The following CSMD1 variants were observed in gnomAD, a reference collection of about 807,000 sequenced individuals.
CSMD1 encodes CUB and Sushi multiple domains 1, also known as CUB and sushi domain-containing protein 1.
CSMD1 carries 213 observed loss-of-function variants against 417.5 expected under a neutral mutation model. The observed-to-expected ratio is 0.51, with a 90% CI of 0.46 to 0.57. The LOEUF (loss-of-function observed/expected upper bound fraction) is 0.57, where lower values mean the gene tolerates loss of function less well. CSMD1 is among the 20% of genes least tolerant of loss of function. CSMD1 has a pLI of 0.00. For synonymous variants in CSMD1, 2,862 were observed against 1,736.8 expected, an observed-to-expected ratio of 1.65 and a Z score of -16.11; for missense variants, 6,923 against 4,529.7, an observed-to-expected ratio of 1.53 and a Z score of -15.17.
intron 5 of CSMD1, among the ~76,000 whole-genome samples, chr8:3,789,440 GTGTTT>G (rs1799613568): frequency 1.7e-5 from 1 of 60,518 alleles, no homozygotes; most frequent in African/African-American, 6.8e-5. Context: ...TTTTTTTTAA[GTGTTT>G]TTTTTTTTTT....
At chr8:4,044,375 C>G (rs534958298) in intron 3 of CSMD1, among the ~76,000 whole-genome samples, 2 of 152,146 alleles carry the variant, frequency 1.3e-5, no homozygotes, top group Non-Finnish European at 2.9e-5. Flanking sequence ...AGAACCTTGT[C>G]TTAATAAGCT....
chr8:4,063,293 A>T (rs1221512834), intron 3 of CSMD1, among the ~76,000 whole-genome samples: 3 of 152,250 alleles, frequency 2.0e-5, no homozygotes. Context: ...ACCAAAAAAG[A>T]AAAATTAGTT....
chr8:4,037,594 G>A (rs1333116219), intron 3 of CSMD1, among the ~76,000 whole-genome samples: 2 of 129,412 alleles, frequency 1.5e-5, no homozygotes, highest in Admixed American at 8.1e-5. Context: ...GGATTGCAAT[G>A]GAAAGGAGAA....
At chr8:3,200,830 T>C (rs1306692231) in intron 32 of CSMD1, among the ~76,000 whole-genome samples, 1 of 152,138 alleles carries the variant, frequency 6.6e-6, no homozygotes, top group East Asian at 1.9e-4. Context: ...GGAAATATAA[T>C]CAAATCTGAA....
chr8:3,026,355 G>T (rs1809920202), intron 51 of CSMD1, among the ~76,000 whole-genome samples: 2 of 151,926 alleles, frequency 1.3e-5, no homozygotes, highest in African/African-American at 2.4e-5. Flanking sequence ...TCCCACTGGA[G>T]CCCACTGGGC....
chr8:3,421,914 A>T (rs1043522146), intron 12 of CSMD1, among the ~76,000 whole-genome samples: 4 of 145,714 alleles, frequency 2.7e-5, no homozygotes, highest in African/African-American at 1.1e-4. Flanking sequence ...CTGGGATTAC[A>T]GGCGTGAGCC....
At chr8:3,454,517 G>C (rs879812044) in intron 12 of CSMD1, among the ~76,000 whole-genome samples, 1 of 152,130 alleles carries the variant, frequency 6.6e-6, no homozygotes, top group Admixed American at 6.6e-5. Flanking sequence ...GGTGGTGACA[G>C]AATCTCTCAG....
At chr8:3,875,896 G>C (rs6997842) in intron 5 of CSMD1, among the ~76,000 whole-genome samples, 7,596 of 152,216 alleles carry the variant, frequency 0.05, 518 homozygotes, top group African/African-American at 0.15. Context: ...GAAATCACAA[G>C]CAAATTTCCA....
intron 50 of CSMD1, among the ~76,000 whole-genome samples, chr8:3,040,570 C>T (rs1420953550): frequency 7.3e-5 from 11 of 151,518 alleles, no homozygotes; most frequent in Non-Finnish European, 1.0e-4. Context: ...TTTGGGAGGA[C>T]GAGGCAGGTG....
intron 3 of CSMD1, among the ~76,000 whole-genome samples, chr8:4,402,800 C>CTTTTTTTTTTTTT (rs60965667): frequency 1.1e-4 from 10 of 89,366 alleles, no homozygotes; most frequent in Non-Finnish European, 1.6e-4. Context: ...TCACTTTTTT[C>CTTTTTTTTTTTTT]TTTTTTTTTT....
intron 2 of CSMD1, among the ~76,000 whole-genome samples, chr8:4,604,395 G>GTGTGTGTGTGTGTC (rs1800758168): frequency 1.2e-5 from 1 of 86,374 alleles, no homozygotes; most frequent in African/African-American, 2.9e-5. Context: ...GTGTGTGTGT[G>GTGTGTGTGTGTGTC]TGTGTGTGTG....
intron 1 of CSMD1, among the ~76,000 whole-genome samples, chr8:4,868,743 T>G (rs1802562326): frequency 6.6e-6 from 1 of 150,970 alleles, no homozygotes; most frequent in Admixed American, 6.6e-5. Context: ...GATTTGACAC[T>G]GGTGACTGTC....
At chr8:3,077,281 C>A (rs949267238) in intron 49 of CSMD1, among the ~76,000 whole-genome samples, 1 of 152,148 alleles carries the variant, frequency 6.6e-6, no homozygotes, top group African/African-American at 2.4e-5. Flanking sequence ...AAGACATGGA[C>A]AAAAGGCCAC....
At chr8:4,399,039 G>A (rs1804462789) in intron 3 of CSMD1, among the ~76,000 whole-genome samples, 2 of 152,154 alleles carry the variant, frequency 1.3e-5, no homozygotes, top group Admixed American at 6.5e-5. Context: ...TATGAGACAA[G>A]TGTTCTGTAA....
chr8:4,029,421 C>T lies in CSMD1; in HGVS notation c.610+2484G>A, dbSNP rs76217681. Among the ~76,000 whole-genome samples the T allele has an allele frequency of 3.4e-3, 515 of 152,266 alleles. 4 individuals are homozygous for T. Among genetic ancestry groups the T allele is most frequent in the African/African-American group, 0.012 (491 of 41,562 alleles). ...ATGGTGGAAGGCAAGGAGGACCTAG[C>T]CACGTCTTATATGGATAGCAGCAGG... On this transcript the variant is annotated intron_variant, in intron 4 of 69. Transcript: ENST00000635120.
At chr8:3,502,997 G>C (rs970614189) in intron 10 of CSMD1, among the ~76,000 whole-genome samples, 1 of 152,222 alleles carries the variant, frequency 6.6e-6, no homozygotes, top group Admixed American at 6.5e-5. Flanking sequence ...GTGGGGGCAG[G>C]GGGTACGGGG....
chr8:4,384,337 C>T (rs939277543), intron 3 of CSMD1, among the ~76,000 whole-genome samples: 1 of 152,108 alleles, frequency 6.6e-6, no homozygotes, highest in Admixed American at 6.5e-5. Flanking sequence ...TGGCAACGCA[C>T]ACACCACAAT....
At chr8:3,323,219 A>AT (rs1806270368) in intron 23 of CSMD1, among the ~76,000 whole-genome samples, 1 of 152,218 alleles carries the variant, frequency 6.6e-6, no homozygotes, top group Admixed American at 6.5e-5. Flanking sequence ...TCACAGCAAG[A>AT]TTAAAAACCT....
intron 2 of CSMD1, among the ~76,000 whole-genome samples, chr8:4,483,663 T>C (rs1202500393): frequency 6.6e-6 from 1 of 152,186 alleles, no homozygotes; most frequent in Admixed American, 6.5e-5. Flanking sequence ...TAAACACATA[T>C]TTAATCCATT....
Sources: allele counts gnomAD v4.1 joint callset (sites outside exome capture counted in the v4.1 genomes callset), GRCh38; gene constraint gnomAD v4.1.1; transcripts MANE v1.5; gene names NCBI Gene and HGNC (gene_info 2026-07-23, HGNC 2026-07-21).